The following RASSF3 variants were observed in gnomAD, a reference collection of about 807,000 sequenced individuals.
RASSF3 encodes the protein Ras association domain family member 3.
Under a neutral mutation model 19.9 loss-of-function variants are expected in RASSF3, and 19 were observed. The ratio of observed to expected loss-of-function variants is 0.96; its 90% CI spans 0.67 to 1.40. The LOEUF is 1.40. RASSF3 is among the 40% of genes most tolerant of loss of function. The pLI is 0.00. For missense variants in RASSF3, 306 were observed against 289.8 expected, an observed-to-expected ratio of 1.06 and a Z score of -0.41; for synonymous variants, 110 against 104.2, an observed-to-expected ratio of 1.06 and a Z score of -0.34.
intron 1 of RASSF3, among the ~76,000 whole-genome samples, chr12:64,644,989 A>G (rs1871680136): frequency 6.6e-6 from 1 of 152,034 alleles, no homozygotes; most frequent in South Asian, 2.1e-4. Flanking sequence ...TGAGCCTGGG[A>G]GGTTGAGGCT....
In RASSF3 at chr12:64,525,262, G is replaced by A. The variant is rs1868560977; in HGVS notation, c.170-16319G>A. ...TTGTACTCCATCTGGGCGATAGAGT[G>A]AGACTCCGTGTCAAGAAAAATAAAA... On this transcript the variant is annotated intron_variant, in intron 1 of 5. Transcript: ENST00000637125. Among the ~76,000 whole-genome samples, 3 of 152,064 alleles carry A rather than the reference G, an allele frequency of 2.0e-5. No homozygotes were observed. The South Asian group carries it at 6.2e-4, about 31-fold the overall frequency.
chr12:64,585,416 T>C (rs1869778022), intron 2 of RASSF3, among the ~76,000 whole-genome samples: 1 of 152,020 alleles, frequency 6.6e-6, no homozygotes, highest in African/African-American at 2.4e-5. Context: ...ACCATAAAGA[T>C]TTCTCTCCCT....
intron 2 of RASSF3, among the ~76,000 whole-genome samples, chr12:64,587,564 A>G (rs1465963250): frequency 6.6e-6 from 1 of 152,216 alleles, no homozygotes; most frequent in Non-Finnish European, 1.5e-5. Flanking sequence ...CTTGGTTTTA[A>G]GAGTGGGTCA....
intron 2 of RASSF3, among the ~76,000 whole-genome samples, chr12:64,568,045 T>G (rs1157216578): frequency 5.9e-5 from 9 of 152,228 alleles, no homozygotes; most frequent in Admixed American, 4.6e-4. Flanking sequence ...GTTTTTTGTT[T>G]TTTTGAGATG....
chr12:64,679,249 T>TG, intron 1 of RASSF3, among the ~76,000 whole-genome samples: 1 of 152,228 alleles, frequency 6.6e-6, no homozygotes, highest in African/African-American at 2.4e-5. Flanking sequence ...TTTGTAGAGA[T>TG]GGGGTTTCAC....
intron 2 of RASSF3, among the ~76,000 whole-genome samples, chr12:64,603,062 G>A (rs1012212350): frequency 2.0e-5 from 3 of 151,936 alleles, no homozygotes; most frequent in African/African-American, 4.8e-5. Flanking sequence ...TCGTACTGCT[G>A]CACTTCAGTC....
rs1868376083 is a variant in RASSF3, at chr12:64,696,660, C to T, written c.*1748C>T. 6.6e-6 allele frequency: 1 copy of T among 151,874 alleles called. No individual in the cohort carries two copies. The highest frequency in any genetic ancestry group is 1.5e-5 in the Non-Finnish European group (1 of 67,998). 9.4% of individuals were successfully genotyped at this position (151,874 alleles called of 1,614,324 possible). On this transcript the variant is annotated 3_prime_UTR_variant, in exon 5 of 5. Coordinates refer to ENST00000542104, the MANE Select transcript of RASSF3 (RefSeq NM_178169.4). ...GCTCTTCTGACTTTTTGGAGAATAC[C>T]CATCTTGTTGGAGGCAGACTTAAGT... is the stretch of plus-strand genomic sequence containing the variant.
chr12:64,515,044 C>A (rs1196846138), intron 1 of RASSF3, among the ~76,000 whole-genome samples: 1 of 150,240 alleles, frequency 6.7e-6, no homozygotes, highest in Admixed American at 6.6e-5. Flanking sequence ...ATTTATTTAT[C>A]ATTTATTTAT....
intron 1 of RASSF3, among the ~76,000 whole-genome samples, chr12:64,616,664 C>A (rs1870563745): frequency 6.6e-6 from 1 of 152,230 alleles, no homozygotes. Flanking sequence ...TTCTATATGA[C>A]AAGTCTTGGC....
intron 1 of RASSF3, among the ~76,000 whole-genome samples, chr12:64,616,128 G>A (rs1592421392): frequency 1.3e-5 from 2 of 152,252 alleles, no homozygotes; most frequent in African/African-American, 2.4e-5. Context: ...TTGGAATTTT[G>A]TGTTTGTGTG....
downstream of RASSF3, among the ~76,000 whole-genome samples, chr12:64,543,288 G>A (rs1215883247): frequency 1.3e-5 from 2 of 150,514 alleles, no homozygotes; most frequent in African/African-American, 2.4e-5. Context: ...TAGCAGCTGC[G>A]GAGGGTGCTT....
At chr12:64,555,884 TA>T (rs972009038) in intron 2 of RASSF3, among the ~76,000 whole-genome samples, 4 of 151,482 alleles carry the variant, frequency 2.6e-5, no homozygotes, top group African/African-American at 4.8e-5. Flanking sequence ...AGAGATCTAT[TA>T]AAAAAAAGAA....
At chr12:64,606,068 A>G (rs1592415364), upstream of RASSF3, among the ~76,000 whole-genome samples, 1 of 152,106 alleles carries the variant, frequency 6.6e-6, no homozygotes, top group East Asian at 1.9e-4. Flanking sequence ...TACCATATGC[A>G]AGCATGCAAG....
chr12:64,647,154 C>T (rs150619130), intron 1 of RASSF3, among the ~76,000 whole-genome samples: 1,581 of 152,250 alleles, frequency 0.01, 30 homozygotes, highest in African/African-American at 0.036. Flanking sequence ...ATCTTTTAAA[C>T]TGAGAATCCC....
At chr12:64,628,352 A>AT (rs2136170635) in intron 1 of RASSF3, 1 of 152,342 alleles carries the variant, frequency 6.6e-6, no homozygotes, top group South Asian at 2.1e-4. Context: ...CCAGGACAGG[A>AT]TGAATGTATG....
chr12:64,510,282 C>T (rs1868320924), intron 1 of RASSF3, among the ~76,000 whole-genome samples: 1 of 152,052 alleles, frequency 6.6e-6, no homozygotes, highest in Non-Finnish European at 1.5e-5. Context: ...ATGAAGACAG[C>T]CCTATGGAAT....
intron 2 of RASSF3, among the ~76,000 whole-genome samples, chr12:64,686,841 T>G (rs373512111): frequency 2.0e-5 from 3 of 152,086 alleles, no homozygotes; most frequent in South Asian, 4.1e-4. Flanking sequence ...AAGAACAAAC[T>G]AGAGAATTAG....
At chr12:64,634,177 A>G (rs533568057) in intron 1 of RASSF3, among the ~76,000 whole-genome samples, 4 of 152,224 alleles carry the variant, frequency 2.6e-5, no homozygotes, top group East Asian at 1.9e-4. Context: ...TGAGATGTCT[A>G]TGGTGTTGGC....
intron 1 of RASSF3, among the ~76,000 whole-genome samples, chr12:64,527,535 C>T (rs1314942105): frequency 6.6e-6 from 1 of 152,156 alleles, no homozygotes; most frequent in Non-Finnish European, 1.5e-5. Flanking sequence ...TGCATAACTC[C>T]CTACTAGTAT....
Sources: gnomAD v4.1 joint callset for allele counts (sites outside exome capture counted in the v4.1 genomes callset) on GRCh38, gnomAD v4.1.1 for gene constraint, MANE v1.5 for transcripts, NCBI Gene and HGNC (gene_info 2026-07-23, HGNC 2026-07-21) for gene names.